Variants in PLCZ1 observed in about 807,000 individuals in gnomAD.
PLCZ1 encodes the protein 1-phosphatidylinositol 4,5-bisphosphate phosphodiesterase zeta-1.
Under a neutral mutation model 76.8 loss-of-function variants are expected in PLCZ1, and 64 were observed. The ratio of observed to expected loss-of-function variants is 0.83; its 90% CI spans 0.68 to 1.03. The LOEUF (loss-of-function observed/expected upper bound fraction) is 1.03, where lower values mean the gene tolerates loss of function less well. PLCZ1 is among the 50% of genes least tolerant of loss of function. The pLI is 0.00. For synonymous variants in PLCZ1, 248 were observed against 230.8 expected (o/e 1.07, Z -0.68); for missense variants, 751 against 713.7 (o/e 1.05, Z -0.60).
intron 13 of PLCZ1, among the ~76,000 whole-genome samples, chr12:18,685,846 G>GCACA (rs3055342): frequency 1.4e-4 from 15 of 109,250 alleles, no homozygotes; most frequent in African/African-American, 5.0e-4. Flanking sequence ...ACACACACGC[G>GCACA]CACACACACA....
chr12:18,694,796 A>T (rs1954710788), intron 12 of PLCZ1, 114 bp downstream of exon 12: 1 of 877,606 alleles, frequency 1.1e-6, no homozygotes, highest in Non-Finnish European at 1.7e-6. Context: ...ACCTGAAAAG[A>T]TTAACAGAAA....
intron 6 of PLCZ1, among the ~76,000 whole-genome samples, chr12:18,711,481 A>AT (rs574485181): frequency 6.6e-6 from 1 of 150,908 alleles, no homozygotes; most frequent in South Asian, 2.1e-4. Context: ...ACATGTATCC[A>AT]TATGTAACAA....
At chr12:18,664,591 A>G in the PLCZ1 span, among the ~76,000 whole-genome samples, 1 of 152,172 alleles carries the variant, frequency 6.6e-6, no homozygotes, top group South Asian at 2.1e-4. Context: ...AATGAGTAGA[A>G]TAGTGGTTGC....
At chr12:18,736,838 CT>C in intron 2 of PLCZ1, 1 of 483,012 alleles carries the variant, frequency 2.1e-6, no homozygotes, top group Non-Finnish European at 4.0e-6. Context: ...GTAACCATGA[CT>C]GATAAAGTTA....
the PLCZ1 span, among the ~76,000 whole-genome samples, chr12:18,649,547 C>A: frequency 6.6e-6 from 1 of 152,188 alleles, no homozygotes; most frequent in African/African-American, 2.4e-5. Flanking sequence ...AATTGCTGAC[C>A]CACTACCCTG....
In PLCZ1 at chr12:18,705,115, T is replaced by G. The variant is rs149235894; in HGVS notation, c.864+51A>C. ...TTCACAGGCCAATATAACAGTGACA[T>G]GTTTTCATGGACTTTTTTCTTAACC... On this transcript the variant is annotated intron_variant, in intron 7 of 14. Transcript: ENST00000266505. 250 of 1,596,930 alleles carry G rather than the reference T, an allele frequency of 1.6e-4. 2 individuals are homozygous for G. The East Asian group carries it at 5.4e-3, about 34-fold the overall frequency.
intron 3 of PLCZ1, among the ~76,000 whole-genome samples, chr12:18,733,638 T>G (rs1442659237): frequency 1.3e-5 from 2 of 152,230 alleles, no homozygotes; most frequent in Non-Finnish European, 2.9e-5. Flanking sequence ...GAGTTGATTT[T>G]TGCATATGGG....
chr12:18,698,242 CTTCTATTCTA>C (rs10659264), intron 10 of PLCZ1, among the ~76,000 whole-genome samples: 184 of 145,510 alleles, frequency 1.3e-3, no homozygotes, highest in African/African-American at 3.2e-3. Flanking sequence ...ATACACTTTT[CTTCTATTCTA>C]TTCTATTCTA....
intron 5 of PLCZ1, among the ~76,000 whole-genome samples, chr12:18,715,192 GGAGAGA>G (rs140208258): frequency 2.2e-4 from 2 of 8,940 alleles, no homozygotes; most frequent in African/African-American, 6.6e-4. Flanking sequence ...GCGGAGGGAG[GGAGAGA>G]GAGAGAGAGA....
chr12:18,732,759 T>C (rs1179894088), intron 3 of PLCZ1, among the ~76,000 whole-genome samples: 1 of 152,216 alleles, frequency 6.6e-6, no homozygotes, highest in Non-Finnish European at 1.5e-5. Flanking sequence ...CTTAATATAA[T>C]GTCCTCTAGT....
At chr12:18,647,773 A>C in the PLCZ1 span, 3 of 539,572 alleles carry the variant, frequency 5.6e-6, no homozygotes, top group Non-Finnish European at 9.1e-6. Context: ...ATTCCAGGGT[A>C]TAAGATATTA....
the PLCZ1 span, among the ~76,000 whole-genome samples, chr12:18,663,053 A>T: frequency 6.6e-6 from 1 of 152,198 alleles, no homozygotes; most frequent in South Asian, 2.1e-4. Flanking sequence ...TCCAGTCAAA[A>T]GACATAGATG....
At chr12:18,691,235 T>G (rs1307162552) in intron 12 of PLCZ1, among the ~76,000 whole-genome samples, 2 of 152,034 alleles carry the variant, frequency 1.3e-5, no homozygotes. Flanking sequence ...CCGAGCAGAG[T>G]GGAAGAATGG....
At chr12:18,693,492 T>C (rs1480423983) in intron 12 of PLCZ1, 2 of 1,609,764 alleles carry the variant, frequency 1.2e-6, no homozygotes, top group Non-Finnish European at 1.7e-6. Context: ...GCCAAAGCAG[T>C]AGCAAACCAA....
At chr12:18,655,750 GAA>G in the PLCZ1 span, among the ~76,000 whole-genome samples, 3,096 of 144,960 alleles carry the variant, frequency 0.021, 39 homozygotes, top group African/African-American at 0.046. Context: ...ACCTTATCAT[GAA>G]AAAAAAAAAA....
chr12:18,723,851 A>C (rs762144853), intron 3 of PLCZ1, among the ~76,000 whole-genome samples: 11 of 152,122 alleles, frequency 7.2e-5, no homozygotes, highest in Non-Finnish European at 1.6e-4. Flanking sequence ...TATCTTCTTA[A>C]AACCATACCA....
chr12:18,725,769 CGTT>C (rs1207110616), intron 3 of PLCZ1, among the ~76,000 whole-genome samples: 1 of 152,024 alleles, frequency 6.6e-6, no homozygotes, highest in African/African-American at 2.4e-5. Flanking sequence ...CTATGTTTCT[CGTT>C]GTTGTTTTTT....
chr12:18,687,995 A>G, intron 13 of PLCZ1, 94 bp downstream of exon 13: 3 of 1,518,980 alleles, frequency 2.0e-6, no homozygotes, highest in Non-Finnish European at 2.7e-6. Context: ...TCTTATGAAT[A>G]ATAAATATGT....
intron 12 of PLCZ1, chr12:18,693,832 G>A: frequency 2.0e-6 from 3 of 1,529,744 alleles, no homozygotes; most frequent in South Asian, 1.1e-5. Context: ...GGAAGATTGA[G>A]TTCCCCCTGC....
Sources: allele counts gnomAD v4.1 joint callset (sites outside exome capture counted in the v4.1 genomes callset), GRCh38; gene constraint gnomAD v4.1.1; transcripts MANE v1.5; gene names NCBI Gene and HGNC (gene_info 2026-07-23, HGNC 2026-07-21).